AGMO: variants seen among roughly 807,000 people sequenced by gnomAD.
AGMO encodes glyceryl-ether monooxygenase.
Under a neutral mutation model 60.2 loss-of-function variants are expected in AGMO, and 75 were observed. The ratio of observed to expected loss-of-function variants is 1.25; its 90% CI spans 1.03 to 1.51. The LOEUF (loss-of-function observed/expected upper bound fraction) is 1.51, where lower values mean the gene tolerates loss of function less well. Among genes scored for constraint, AGMO ranks in the 40% most tolerant of loss-of-function variants. AGMO has a pLI of 0.00. For missense variants in AGMO, 763 were observed against 525.5 expected (o/e 1.45, Z -4.42); for synonymous variants, 261 against 177.1 (o/e 1.47, Z -3.76).
intron 5 of AGMO, among the ~76,000 whole-genome samples, chr7:15,412,269 T>C (rs78572309): frequency 6.6e-6 from 1 of 152,134 alleles, no homozygotes; most frequent in Non-Finnish European, 1.5e-5. Context: ...ACAAAAGGAC[T>C]AATTGGGGCA....
At chr7:15,492,895 T>C (rs1783106221) in intron 3 of AGMO, among the ~76,000 whole-genome samples, 2 of 152,164 alleles carry the variant, frequency 1.3e-5, no homozygotes, top group African/African-American at 4.8e-5. Context: ...TGTCTTCTCC[T>C]ACATCTTCAA....
chr7:15,561,828 G>C lies in AGMO; in HGVS notation c.18C>G (p.Ala6=). 1 of 1,607,198 alleles carries C rather than the reference G, an allele frequency of 6.2e-7. No homozygotes were observed. The highest frequency in any genetic ancestry group is 8.5e-7 in the Non-Finnish European group (1 of 1,176,070). MKNPE[A]QQDVSVSQGF... ...CCTGGGAAACTGAAACATCCTGCTG[G>C]GCTTCTGGGTTCTTCATTTCTGCCC... The change falls in exon 1 of 13, where the codon GCC becomes GCG. Residue 6 remains alanine, a synonymous_variant. Transcript: ENST00000342526.
chr7:15,513,582 C>A (rs772899894), intron 3 of AGMO, among the ~76,000 whole-genome samples: 1 of 152,182 alleles, frequency 6.6e-6, no homozygotes, highest in African/African-American at 2.4e-5. Flanking sequence ...AGGATCACTA[C>A]TTATTTCCAT....
intron 3 of AGMO, among the ~76,000 whole-genome samples, chr7:15,515,779 T>C (rs1394177321): frequency 1.3e-5 from 2 of 152,216 alleles, no homozygotes; most frequent in African/African-American, 4.8e-5. Context: ...TTATAAGCAA[T>C]GAAGTCATTT....
chr7:15,515,954 G>C (rs1041488727), intron 3 of AGMO, among the ~76,000 whole-genome samples: 1 of 152,132 alleles, frequency 6.6e-6, no homozygotes, highest in South Asian at 2.1e-4. Flanking sequence ...ATAGGTTCAA[G>C]AGATCGATCG....
intron 12 of AGMO, among the ~76,000 whole-genome samples, chr7:15,358,798 G>C (rs1202113887): frequency 6.6e-6 from 1 of 152,100 alleles, no homozygotes; most frequent in Non-Finnish European, 1.5e-5. Context: ...CTGAGTTTTA[G>C]GTCTGTTCTA....
intron 12 of AGMO, among the ~76,000 whole-genome samples, chr7:15,343,728 C>T (rs576731774): frequency 1.3e-5 from 2 of 152,182 alleles, no homozygotes; most frequent in East Asian, 3.9e-4. Context: ...GTAATATTAA[C>T]CACAAGCCTC....
chr7:15,159,036 T>C, the AGMO span, among the ~76,000 whole-genome samples: 2 of 152,114 alleles, frequency 1.3e-5, no homozygotes, highest in Non-Finnish European at 2.9e-5. Context: ...TATACACATA[T>C]TAGTTTCTCA....
chr7:15,460,106 C>CTTTTTTTTTTTTTTTT lies in AGMO; in HGVS notation c.410-28999_410-28998insAAAAAAAAAAAAAAAA, dbSNP rs67388173. Among the ~76,000 whole-genome samples the CTTTTTTTTTTTTTTTT allele has an allele frequency of 1.6e-5, 2 of 121,704 alleles. 1 individual carries two copies. Among genetic ancestry groups the CTTTTTTTTTTTTTTTT allele is most frequent in the African/African-American group, 6.5e-5 (2 of 30,540 alleles). 79.8% of individuals were successfully genotyped at this position (121,704 alleles called of 152,430 possible). On this transcript the variant is annotated intron_variant, in intron 3 of 12. Coordinates refer to ENST00000342526, the MANE Select transcript of AGMO (RefSeq NM_001004320.2). ...AAAGTAATTATTTACCCAATTTCCC[C>CTTTTTTTTTTTTTTTT]TTTTTTTTTTGTTTTTTTGAGAAGG...
the AGMO span, among the ~76,000 whole-genome samples, chr7:15,171,470 G>C: frequency 0.13 from 20,383 of 152,208 alleles, 1,541 homozygotes; most frequent in East Asian, 0.22. Flanking sequence ...TTGAAAGGAA[G>C]TCACTGTGTT....
intron 12 of AGMO, among the ~76,000 whole-genome samples, chr7:15,307,168 G>T (rs1780639171): frequency 6.6e-6 from 1 of 151,372 alleles, no homozygotes; most frequent in African/African-American, 2.4e-5. Flanking sequence ...TAGTTATCTA[G>T]TTGTTAACAG....
At chr7:15,266,246 T>C (rs1177355947) in intron 12 of AGMO, among the ~76,000 whole-genome samples, 1 of 152,060 alleles carries the variant, frequency 6.6e-6, no homozygotes, top group Non-Finnish European at 1.5e-5. Flanking sequence ...AATTATCTTG[T>C]TTAATCCACT....
chr7:15,560,119 C>A (rs371907671), intron 2 of AGMO, 22 bp downstream of exon 2: 2 of 1,583,764 alleles, frequency 1.3e-6, no homozygotes, highest in South Asian at 1.1e-5. Context: ...TTATGCTCAG[C>A]GTTGTTGACC....
chr7:15,159,027 A>T, the AGMO span, among the ~76,000 whole-genome samples: 1 of 152,090 alleles, frequency 6.6e-6, no homozygotes, highest in African/African-American at 2.4e-5. Context: ...TATATCTCTT[A>T]TACACATATT....
intron 6 of AGMO, 38 bp downstream of exon 6, chr7:15,394,075 G>T (rs757063669): frequency 1.4e-6 from 2 of 1,467,478 alleles, no homozygotes; most frequent in South Asian, 2.3e-5. Flanking sequence ...AATTTTTAGA[G>T]AAATGAAGAA....
At chr7:15,370,364 G>GC (rs1783159192) in intron 10 of AGMO, among the ~76,000 whole-genome samples, 2 of 152,190 alleles carry the variant, frequency 1.3e-5, no homozygotes, top group Non-Finnish European at 2.9e-5. Context: ...CGATGAACAT[G>GC]AGTGCATGTG....
chr7:15,447,789 G>C (rs530353508), intron 3 of AGMO, among the ~76,000 whole-genome samples: 1 of 152,102 alleles, frequency 6.6e-6, no homozygotes, highest in African/African-American at 2.4e-5. Flanking sequence ...CTAACCTCAA[G>C]TGATCCACCT....
rs1647649327 is a variant in AGMO at position 15,335,732 on chromosome 7, A to G, written c.1263+29782T>C. ...TATTATAGCATGTGTAGATAAATAT[A>G]TTTCAGTTTTCACATCTATAACTTA... On this transcript the variant is annotated intron_variant, in intron 12 of 12. Coordinates refer to ENST00000342526, the MANE Select transcript of AGMO (RefSeq NM_001004320.2). Among the ~76,000 whole-genome samples, 8 of 152,186 alleles carry G rather than the reference A, an allele frequency of 5.3e-5. No homozygotes were observed. In the South Asian group the frequency reaches 1.5e-3, roughly 28 times the overall value.
chr7:15,511,879 G>C (rs1485303168), intron 3 of AGMO, among the ~76,000 whole-genome samples: 1 of 152,068 alleles, frequency 6.6e-6, no homozygotes, highest in African/African-American at 2.4e-5. Flanking sequence ...GGCAGACAGA[G>C]AAGGCAGCCA....
Sources: gnomAD v4.1 joint callset for allele counts (sites outside exome capture counted in the v4.1 genomes callset) on GRCh38, gnomAD v4.1.1 for gene constraint, MANE v1.5 for transcripts, NCBI Gene and HGNC (gene_info 2026-07-23, HGNC 2026-07-21) for gene names.